AGMO: variants seen among roughly 807,000 people sequenced by gnomAD.
The protein encoded by AGMO is alkylglycerol monooxygenase.
Under a neutral mutation model 60.2 loss-of-function variants are expected in AGMO, and 75 were observed. The ratio of observed to expected loss-of-function variants is 1.25; its 90% CI spans 1.03 to 1.51. The LOEUF is 1.51. AGMO is among the 40% of genes most tolerant of loss of function. The pLI is 0.00. For missense variants in AGMO, 763 were observed against 525.5 expected (o/e 1.45, Z -4.42); for synonymous variants, 261 against 177.1 (o/e 1.47, Z -3.76).
At position 15,358,303 on chromosome 7, in the gene AGMO, C is replaced by T. The variant is rs966773128; in HGVS notation, c.1263+7211G>A. 2.9e-5 allele frequency: 12 copies of T among 408,308 alleles called. 1 individual carries two copies. In the Middle Eastern group the frequency reaches 1.1e-3, roughly 37 times the overall value. The allele number at this position is 408,308 out of a possible 1,614,324, so 25.3% of individuals were successfully genotyped here. A position where few individuals can be genotyped will look rare whatever the true frequency, so the allele number is the denominator to read the frequency against. On this transcript the variant is annotated intron_variant, in intron 12 of 12. Coordinates refer to ENST00000342526, the MANE Select transcript of AGMO (RefSeq NM_001004320.2). Reference sequence around the variant, plus strand: ...GCTTTGAGTATTGGTTTCTTCTGCACATAAAATGGCTGAGGCAGCAAATTG... The same window carrying T: ...GCTTTGAGTATTGGTTTCTTCTGCATATAAAATGGCTGAGGCAGCAAATTG...
At chr7:15,519,739 C>A (rs193189057) in intron 3 of AGMO, among the ~76,000 whole-genome samples, 1 of 152,212 alleles carries the variant, frequency 6.6e-6, no homozygotes, top group African/African-American at 2.4e-5. Context: ...TATGAAGAAA[C>A]TGCATCAACT....
intron 12 of AGMO, among the ~76,000 whole-genome samples, chr7:15,216,109 A>G (rs1781728868): frequency 6.6e-6 from 1 of 151,948 alleles, no homozygotes; most frequent in African/African-American, 2.4e-5. Flanking sequence ...CTTCTTCTGG[A>G]AAAAATGTTC....
chr7:15,553,816 A>T (rs1416247405), intron 2 of AGMO, among the ~76,000 whole-genome samples: 1 of 152,092 alleles, frequency 6.6e-6, no homozygotes, highest in African/African-American at 2.4e-5. Context: ...CCAATTTATT[A>T]CTCCGTCAAC....
intron 3 of AGMO, among the ~76,000 whole-genome samples, chr7:15,459,111 G>GT (rs925620588): frequency 3.3e-5 from 5 of 151,754 alleles, no homozygotes; most frequent in South Asian, 2.1e-4. Flanking sequence ...TAAGAAGTGG[G>GT]TTTTTTTTCT....
chr7:15,291,127 C>T (rs1018465348), intron 12 of AGMO, among the ~76,000 whole-genome samples: 1 of 152,072 alleles, frequency 6.6e-6, no homozygotes, highest in East Asian at 1.9e-4. Flanking sequence ...TACAATTTCC[C>T]TTAAGGTCCT....
the AGMO span, among the ~76,000 whole-genome samples, chr7:15,168,761 G>C: frequency 1.3e-5 from 2 of 152,126 alleles, no homozygotes; most frequent in African/African-American, 4.8e-5. Flanking sequence ...TGCAGTTTTT[G>C]GGGTGTCAAA....
intron 12 of AGMO, among the ~76,000 whole-genome samples, chr7:15,246,113 G>C (rs1782733709): frequency 6.6e-6 from 1 of 152,144 alleles, no homozygotes; most frequent in African/African-American, 2.4e-5. Context: ...TAAAGATAAA[G>C]AAATCATGTA....
Position 15,365,606 on chromosome 7 carries a change from T to TA in AGMO, c.1170dup (p.Ile391TyrfsTer31). ...ATCAAGCAACGGAGAGTTTCCATAA[T>TA]AGCTGCCTTGGGTCTGAAATAAAAT... On this transcript the variant is annotated frameshift_variant, in exon 12 of 13. Coordinates refer to ENST00000342526, the MANE Select transcript of AGMO (RefSeq NM_001004320.2). LOFTEE classifies it high-confidence loss of function. 1 of 1,612,272 alleles carries TA rather than the reference T, an allele frequency of 6.2e-7. No homozygotes were observed. The highest frequency in any genetic ancestry group is 1.7e-4 in the Middle Eastern group (1 of 6,056).
chr7:15,347,053 GGTGAATGTAGGTACTACATTAAA>G (rs1468051408), intron 12 of AGMO, among the ~76,000 whole-genome samples: 1 of 152,006 alleles, frequency 6.6e-6, no homozygotes, highest in African/African-American at 2.4e-5. Flanking sequence ...ACTACATTAA[GGTGAATGTAGGTACTACATTAAA>G]ATGAATCAAA....
chr7:15,235,973 T>C (rs756234861), intron 12 of AGMO, among the ~76,000 whole-genome samples: 34 of 152,152 alleles, frequency 2.2e-4, no homozygotes, highest in Non-Finnish European at 4.4e-4. Context: ...TACAGACAGA[T>C]TCTTAAAAAC....
intron 12 of AGMO, among the ~76,000 whole-genome samples, chr7:15,305,988 A>G (rs977511800): frequency 6.6e-6 from 1 of 152,010 alleles, no homozygotes; most frequent in Admixed American, 6.6e-5. Context: ...TTTTCTGGTA[A>G]TTCATAAATT....
Position 15,457,730 on chromosome 7 carries a change from T to C in AGMO, c.410-26622A>G, listed in dbSNP as rs542694800. ...AAAGAAGTGGTAATAATATTTAGAA[T>C]ACTATCATCTGGCATGAAAGCTAAA... is the stretch of plus-strand genomic sequence containing the variant. On this transcript the variant is annotated intron_variant, in intron 3 of 12. Coordinates refer to ENST00000342526, the MANE Select transcript of AGMO (RefSeq NM_001004320.2). Among the ~76,000 whole-genome samples the C allele has an allele frequency of 7.2e-5, 11 of 152,280 alleles. No homozygotes were observed. In the South Asian group the frequency reaches 2.1e-3, roughly 29 times the overall value.
At chr7:15,308,544 C>T (rs1283371288) in intron 12 of AGMO, among the ~76,000 whole-genome samples, 1 of 152,036 alleles carries the variant, frequency 6.6e-6, no homozygotes, top group Non-Finnish European at 1.5e-5. Context: ...GTCATATTTG[C>T]TTGTCTCATT....
intron 3 of AGMO, among the ~76,000 whole-genome samples, chr7:15,495,384 A>G (rs1235593227): frequency 1.3e-5 from 2 of 152,094 alleles, no homozygotes; most frequent in Non-Finnish European, 2.9e-5. Context: ...AATTCAGTCC[A>G]TGTGTTTCTG....
At chr7:15,388,733 G>A (rs1160881728) in intron 8 of AGMO, among the ~76,000 whole-genome samples, 3 of 152,172 alleles carry the variant, frequency 2.0e-5, no homozygotes, top group Non-Finnish European at 2.9e-5. Flanking sequence ...TGATGCCTCT[G>A]CAGAATAGGT....
At chr7:15,547,759 G>T (rs538566338) in intron 2 of AGMO, among the ~76,000 whole-genome samples, 5 of 150,612 alleles carry the variant, frequency 3.3e-5, no homozygotes, top group Admixed American at 1.3e-4. Context: ...GCCATTGCCC[G>T]GGCTTGATTA....
At chr7:15,426,700 G>C (rs1781073534) in intron 4 of AGMO, among the ~76,000 whole-genome samples, 1 of 152,010 alleles carries the variant, frequency 6.6e-6, no homozygotes, top group African/African-American at 2.4e-5. Context: ...AGTGGGCTGA[G>C]ACACACCACT....
intron 12 of AGMO, among the ~76,000 whole-genome samples, chr7:15,308,947 G>T (rs552187480): frequency 6.6e-6 from 1 of 152,166 alleles, no homozygotes; most frequent in Non-Finnish European, 1.5e-5. Flanking sequence ...GTCAAATGGA[G>T]TGATTTGGTT....
At chr7:15,471,462 C>T (rs1407384936) in intron 3 of AGMO, among the ~76,000 whole-genome samples, 3 of 151,894 alleles carry the variant, frequency 2.0e-5, no homozygotes, top group African/African-American at 7.2e-5. Context: ...TTTCTTTCTA[C>T]TTTAATTATC....
Sources: allele counts gnomAD v4.1 joint callset (sites outside exome capture counted in the v4.1 genomes callset), GRCh38; gene constraint gnomAD v4.1.1; transcripts MANE v1.5; gene names NCBI Gene and HGNC (gene_info 2026-07-23, HGNC 2026-07-21).